CACNA2D1: variants seen among roughly 807,000 people sequenced by gnomAD.
The protein encoded by CACNA2D1 is voltage-dependent calcium channel subunit alpha-2/delta-1.
Under a neutral mutation model 171.5 loss-of-function variants are expected in CACNA2D1, and 53 were observed. The ratio of observed to expected loss-of-function variants is 0.31; its 90% CI spans 0.25 to 0.39. CACNA2D1 has a LOEUF of 0.39. CACNA2D1 is among the 10% of genes least tolerant of loss of function. The pLI is 1.00. For missense variants in CACNA2D1, 903 were observed against 1,299.8 expected (o/e 0.69, Z 4.69); for synonymous variants, 442 against 443.1 (o/e 1.00, Z 0.03).
At chr7:81,986,446 G>A (rs1424172684) in intron 21 of CACNA2D1, among the ~76,000 whole-genome samples, 9 of 151,882 alleles carry the variant, frequency 5.9e-5, no homozygotes, top group African/African-American at 1.9e-4. Flanking sequence ...CGTAGCCCCA[G>A]TTTTGGGACT....
chr7:81,986,840 G>A (rs929863075), intron 21 of CACNA2D1, among the ~76,000 whole-genome samples: 7 of 152,242 alleles, frequency 4.6e-5, no homozygotes, highest in Admixed American at 1.3e-4. Context: ...GACCTTTCAT[G>A]ATTCACTTGC....
chr7:82,115,605 A>C (rs1019529817), intron 6 of CACNA2D1, among the ~76,000 whole-genome samples: 15 of 151,970 alleles, frequency 9.9e-5, no homozygotes, highest in African/African-American at 3.6e-4. Context: ...AAGAATTGAT[A>C]GGATGAAAAC....
At chr7:82,190,888 A>T (rs2129184964) in intron 3 of CACNA2D1, among the ~76,000 whole-genome samples, 1 of 151,874 alleles carries the variant, frequency 6.6e-6, no homozygotes, top group East Asian at 1.9e-4. Context: ...CCATCAAAAA[A>T]CATTTTTCTT....
chr7:81,978,844 G>A (rs1394710146), intron 24 of CACNA2D1, among the ~76,000 whole-genome samples: 1 of 146,058 alleles, frequency 6.8e-6, no homozygotes, highest in African/African-American at 2.5e-5. Context: ...TTATAATCAA[G>A]CCCATAAAGG....
rs371123743 is a variant in CACNA2D1, at chr7:82,006,425, G to A, written c.1441-586C>T. ...ATCATAGTTTTAGGTGCAAGTAGAGGAGGCTTGTGGCAAACTGCTATCATA... is the reference window on the plus strand; with the variant it reads ...ATCATAGTTTTAGGTGCAAGTAGAGAAGGCTTGTGGCAAACTGCTATCATA... On this transcript the variant is annotated intron_variant, in intron 16 of 38. Transcript: ENST00000356860. Among the ~76,000 whole-genome samples the A allele has an allele frequency of 1.0e-3, 152 of 152,120 alleles. 2 individuals are homozygous for A. Among genetic ancestry groups the A allele is most frequent in the African/African-American group, 3.2e-3 (132 of 41,546 alleles).
At chr7:82,357,299 A>C (rs1289517957) in intron 1 of CACNA2D1, among the ~76,000 whole-genome samples, 2 of 152,150 alleles carry the variant, frequency 1.3e-5, no homozygotes, top group African/African-American at 2.4e-5. Context: ...TTTTGTGTGC[A>C]TGTGCAAAAC....
At chr7:82,028,563 C>G (rs37152) in intron 12 of CACNA2D1, 78,933 of 151,610 alleles carry the variant, frequency 0.52, 22,624 homozygotes, top group African/African-American at 0.78. Flanking sequence ...TGGGAAAACC[C>G]AACTGAAAAC....
chr7:82,439,440 T>G (rs1356391306), intron 1 of CACNA2D1, among the ~76,000 whole-genome samples: 1 of 151,908 alleles, frequency 6.6e-6, no homozygotes, highest in African/African-American at 2.4e-5. Context: ...TGTAAAGCTC[T>G]TATCTATTGT....
chr7:82,423,035 TG>T (rs2129457584), intron 1 of CACNA2D1, among the ~76,000 whole-genome samples: 1 of 152,112 alleles, frequency 6.6e-6, no homozygotes, highest in African/African-American at 2.4e-5. Flanking sequence ...CTCCATTCCT[TG>T]AAAACTTTTA....
chr7:82,234,034 A>G (rs575256697), intron 3 of CACNA2D1, among the ~76,000 whole-genome samples: 1 of 152,226 alleles, frequency 6.6e-6, no homozygotes, highest in African/African-American at 2.4e-5. Context: ...TAAATTATTA[A>G]TTGAAGTATG....
At chr7:82,310,927 C>A (rs181427371) in intron 3 of CACNA2D1, among the ~76,000 whole-genome samples, 7 of 152,216 alleles carry the variant, frequency 4.6e-5, no homozygotes, top group African/African-American at 1.7e-4. Flanking sequence ...CACAAATTAG[C>A]TTTGGGATGT....
rs187958413 is a variant in CACNA2D1, at chr7:82,319,976, G to A, written c.294+15159C>T. On this transcript the variant is annotated intron_variant, in intron 3 of 38. Transcript: ENST00000356860. ...CAGCAGGAGCACTCATCCACACTGC[G>A]GCCTGTTGGCATGCTGCCTGTGGCT... Among the ~76,000 whole-genome samples, 241 of 152,232 alleles carry A rather than the reference G, an allele frequency of 1.6e-3. 1 individual carries two copies. The highest frequency in any genetic ancestry group is 5.5e-3 in the African/African-American group (229 of 41,544).
intron 1 of CACNA2D1, among the ~76,000 whole-genome samples, chr7:82,383,070 T>G (rs1029004179): frequency 2.6e-5 from 4 of 152,154 alleles, no homozygotes; most frequent in African/African-American, 9.7e-5. Flanking sequence ...TCTAGTAACC[T>G]AAAAGTCAGC....
At chr7:81,976,552 T>C (rs37078) in intron 24 of CACNA2D1, among the ~76,000 whole-genome samples, 99,801 of 152,138 alleles carry the variant, frequency 0.66, 32,858 homozygotes, top group African/African-American at 0.68. Flanking sequence ...TTGTCTATTA[T>C]TGGTGTATAG....
chr7:82,370,784 C>G (rs1822314438), intron 1 of CACNA2D1, among the ~76,000 whole-genome samples: 1 of 151,912 alleles, frequency 6.6e-6, no homozygotes, highest in Non-Finnish European at 1.5e-5. Flanking sequence ...ATGGAAGAAA[C>G]CCAAATATTA....
intron 3 of CACNA2D1, among the ~76,000 whole-genome samples, chr7:82,273,380 A>G (rs1808890652): frequency 6.6e-6 from 1 of 151,838 alleles, no homozygotes; most frequent in Non-Finnish European, 1.5e-5. Flanking sequence ...CTTCTAAATT[A>G]GTCATAGGTA....
intron 38 of CACNA2D1, among the ~76,000 whole-genome samples, chr7:81,950,942 A>G (rs1290420032): frequency 6.6e-6 from 1 of 152,098 alleles, no homozygotes; most frequent in Non-Finnish European, 1.5e-5. Context: ...AAATAAATAC[A>G]TTTCCATTTC....
intron 1 of CACNA2D1, among the ~76,000 whole-genome samples, chr7:82,361,582 A>G (rs1178576625): frequency 6.6e-6 from 1 of 152,142 alleles, no homozygotes; most frequent in African/African-American, 2.4e-5. Context: ...AATGTATTAT[A>G]TGTTGAAAAG....
intron 3 of CACNA2D1, among the ~76,000 whole-genome samples, chr7:82,229,128 C>T (rs1038738797): frequency 6.6e-6 from 1 of 152,096 alleles, no homozygotes; most frequent in Admixed American, 6.6e-5. Context: ...ATAATGAATT[C>T]TTTCCATTAT....
Sources: allele counts gnomAD v4.1 joint callset (sites outside exome capture counted in the v4.1 genomes callset), GRCh38; gene constraint gnomAD v4.1.1; transcripts MANE v1.5; gene names NCBI Gene and HGNC (gene_info 2026-07-23, HGNC 2026-07-21).